The following MYBPHL variants were observed in gnomAD, a reference collection of about 807,000 sequenced individuals.
MYBPHL encodes the protein myosin binding protein H like, also known as myosin-binding protein H-like.
Under a neutral mutation model 39.5 loss-of-function variants are expected in MYBPHL, and 32 were observed. The ratio of observed to expected loss-of-function variants is 0.81; its 90% CI spans 0.61 to 1.09. The LOEUF (loss-of-function observed/expected upper bound fraction) is 1.09. MYBPHL is among the 50% of genes least tolerant of loss of function. The probability of loss-of-function intolerance (pLI) is 0.00; values close to 1 mark genes in which losing one functional copy is unlikely to be tolerated. For missense variants in MYBPHL, 456 were observed against 460.2 expected (o/e 0.99, Z 0.08); for synonymous variants, 196 against 183.7 (o/e 1.07, Z -0.54).
Position 109,297,201 on chromosome 1 carries a change from A to G in MYBPHL, c.431-12T>C. 6.2e-7 allele frequency: 1 copy of G among 1,614,176 alleles called. No individual in the cohort carries two copies. The highest frequency in any genetic ancestry group is 8.5e-7 in the Non-Finnish European group (1 of 1,180,014). On this transcript the variant is annotated splice_polypyrimidine_tract_variant and intron_variant, in intron 3 of 8. Transcript: ENST00000357155. The stretch of plus-strand genomic sequence containing the variant: ...AGGGCCTGGCCTCTCTGAAAGGGCA[A>G]AGCCATGGCAGTGGGCGTGGAACAT...
intron 6 of MYBPHL, among the ~76,000 whole-genome samples, 154 bp downstream of exon 6, chr1:109,296,080 C>T (rs557302894): frequency 1.5e-3 from 228 of 152,228 alleles, no homozygotes; most frequent in Non-Finnish European, 2.7e-3. Flanking sequence ...CTCCAAGCAC[C>T]CCCCCGACTG....
chr1:109,306,986 C>T lies in MYBPHL; in HGVS notation c.6G>A (p.Glu2=), dbSNP rs1192127970. The T allele has an allele frequency of 1.2e-6, 2 of 1,610,692 alleles. No homozygotes were observed. The highest frequency in any genetic ancestry group is 1.1e-5 in the South Asian group (1 of 90,590). Residue 2 remains glutamate (E), a synonymous_variant, in exon 1 of 9, where the codon GAG becomes GAA. Coordinates refer to ENST00000357155, the MANE Select transcript of MYBPHL (RefSeq NM_001010985.3). ...CGGCCACCTCCGGAGCTGTGGCTGC[C>T]TCCATGCTGGGCCTTCCCAGAGGCT... is the stretch of plus-strand genomic sequence containing the variant. M[E]AATAPEVAAG...
intron 6 of MYBPHL, among the ~76,000 whole-genome samples, chr1:109,295,943 C>G (rs1658042510): frequency 6.6e-6 from 1 of 152,192 alleles, no homozygotes; most frequent in Admixed American, 6.5e-5. Flanking sequence ...CACAGGGACT[C>G]TGTCACTCCT....
chr1:109,301,909 C>T (rs1299768435), intron 1 of MYBPHL, among the ~76,000 whole-genome samples: 1 of 152,206 alleles, frequency 6.6e-6, no homozygotes, highest in Non-Finnish European at 1.5e-5. Flanking sequence ...TTTATGGGAT[C>T]AGTCTTTCTC....
intron 4 of MYBPHL, 36 bp downstream of exon 4, chr1:109,297,014 C>T (rs1232027052): frequency 6.2e-7 from 1 of 1,613,962 alleles, no homozygotes; most frequent in Non-Finnish European, 8.5e-7. Flanking sequence ...CCCAACATGC[C>T]CTCTTCCACC....
At chr1:109,303,684 A>C (rs764194544) in intron 1 of MYBPHL, among the ~76,000 whole-genome samples, 1 of 152,128 alleles carries the variant, frequency 6.6e-6, no homozygotes, top group South Asian at 2.1e-4. Context: ...AGGCCCACCT[A>C]CAGTCTATTC....
chr1:109,299,145 AT>A (rs1658195453), intron 1 of MYBPHL, among the ~76,000 whole-genome samples: 1 of 152,044 alleles, frequency 6.6e-6, no homozygotes, highest in South Asian at 2.1e-4. Flanking sequence ...GACAGACACC[AT>A]TTTCTGGCCT....
At chr1:109,300,900 T>C (rs1309230155) in intron 1 of MYBPHL, among the ~76,000 whole-genome samples, 1 of 152,120 alleles carries the variant, frequency 6.6e-6, no homozygotes, top group Non-Finnish European at 1.5e-5. Context: ...TGAGGATGTG[T>C]AGGTGAGGCC....
In MYBPHL at chr1:109,295,208, C is replaced by A. The variant is rs1388642575; in HGVS notation, c.957G>T (p.Glu319Asp). Residue 319 changes from glutamate (E) to aspartate (D), a missense_variant, in exon 7 of 9, where the codon GAG becomes GAT. Physicochemically the swap from Glu to Asp is conservative, Grantham distance 45. Transcript: ENST00000357155. ...CATCAAAGGGACCCGGCTTGCGGAT[C>A]TCTAGGGAGCAGATTCCCAGGTGAG... ...ALTHLGICSL[E>D]IRKPGPFDGG... 1.2e-6 allele frequency: 2 copies of A among 1,614,174 alleles called. No homozygotes were observed. The highest frequency in any genetic ancestry group is 3.3e-5 in the Admixed American group (2 of 60,034).
intron 7 of MYBPHL, among the ~76,000 whole-genome samples, chr1:109,294,867 G>A (rs968363505): frequency 3.3e-5 from 5 of 152,066 alleles, no homozygotes; most frequent in East Asian, 1.9e-4. Flanking sequence ...CTGTACTTTC[G>A]TCTTCTCATT....
At chr1:109,298,898 G>A (rs1400830063) in intron 1 of MYBPHL, among the ~76,000 whole-genome samples, 2 of 152,100 alleles carry the variant, frequency 1.3e-5, no homozygotes, top group African/African-American at 4.8e-5. Flanking sequence ...ACAGATTCTG[G>A]GACAGATTAG....
rs1457363404 is a variant in MYBPHL at position 109,295,115 on chromosome 1, C to T, written c.1050G>A (p.Val350=). 1.9e-6 allele frequency: 3 copies of T among 1,612,916 alleles called. No individual in the cohort carries two copies. The highest frequency in any genetic ancestry group is 1.7e-5 in the Admixed American group (1 of 60,006). ...GEASVDCRVD[V]KVPN is the part of the protein sequence containing the mutation. ...TAGTTCTCCTCTTGCCCTTACCTTT[C>T]ACATCCACCCGACAGTCCACAGATG... The change falls in exon 7 of 9, where the codon GTG becomes GTA. Residue 350 remains valine, a synonymous_variant. Transcript: ENST00000357155.
intron 7 of MYBPHL, among the ~76,000 whole-genome samples, chr1:109,294,560 A>C (rs1160046495): frequency 6.6e-6 from 1 of 152,236 alleles, no homozygotes; most frequent in Non-Finnish European, 1.5e-5. Context: ...ATAAATAGAT[A>C]ATTATAAAAC....
intron 1 of MYBPHL, among the ~76,000 whole-genome samples, chr1:109,306,207 G>A (rs190813226): frequency 1.0e-3 from 152 of 152,318 alleles, no homozygotes; most frequent in African/African-American, 3.4e-3. Context: ...CAGGAAGCTC[G>A]GGGTTGGAAT....
intron 1 of MYBPHL, among the ~76,000 whole-genome samples, chr1:109,301,204 A>G (rs368556802): frequency 6.6e-6 from 1 of 152,302 alleles, no homozygotes; most frequent in South Asian, 2.1e-4. Flanking sequence ...CCTGATGCCC[A>G]AGGTCTTTCT....
intron 1 of MYBPHL, among the ~76,000 whole-genome samples, chr1:109,304,288 A>G (rs1015753792): frequency 6.6e-6 from 1 of 152,172 alleles, no homozygotes; most frequent in African/African-American, 2.4e-5. Context: ...TGTGGAAGGA[A>G]GGAGGAGGAA....
chr1:109,298,148 G>A (rs781051497), intron 2 of MYBPHL, 21 bp downstream of exon 2: 4 of 1,587,394 alleles, frequency 2.5e-6, no homozygotes, highest in Admixed American at 3.6e-5. Flanking sequence ...CATGGACCCA[G>A]TATGGGGCTG....
intron 1 of MYBPHL, among the ~76,000 whole-genome samples, chr1:109,306,117 C>G (rs1570861570): frequency 6.6e-6 from 1 of 152,208 alleles, no homozygotes; most frequent in African/African-American, 2.4e-5. Context: ...GTGGTCTTTT[C>G]ATCCTCTTAA....
At position 109,299,556 on chromosome 1, in the gene MYBPHL, C is replaced by T. The variant is rs185556705; in HGVS notation, c.146-1299G>A. On this transcript the variant is annotated intron_variant, in intron 1 of 8. Coordinates refer to ENST00000357155, the MANE Select transcript of MYBPHL (RefSeq NM_001010985.3). Reference sequence around the variant, plus strand: ...TCCAGAGAACTTCACTCTGAGTCTCCCCATGATAATCTCAAGGTCGCGAGA... The same window carrying T: ...TCCAGAGAACTTCACTCTGAGTCTCTCCATGATAATCTCAAGGTCGCGAGA... Among the ~76,000 whole-genome samples, 341 of 152,338 alleles carry T rather than the reference C, an allele frequency of 2.2e-3. 3 individuals carry two copies. The highest frequency in any genetic ancestry group is 7.2e-3 in the African/African-American group (300 of 41,576).
Sources: allele counts gnomAD v4.1 joint callset (sites outside exome capture counted in the v4.1 genomes callset), GRCh38; gene constraint gnomAD v4.1.1; transcripts MANE v1.5; gene names NCBI Gene and HGNC (gene_info 2026-07-23, HGNC 2026-07-21).